Variants in RBFOX1 observed in about 807,000 individuals in gnomAD.
RBFOX1 encodes the protein RNA binding protein fox-1 homolog 1.
In RBFOX1, 8 loss-of-function variants were observed where a neutral mutation model predicts 57.7. The observed-to-expected ratio is 0.14, with a 90% CI of 0.08 to 0.25. RBFOX1 has a LOEUF of 0.25. Among genes scored for constraint, RBFOX1 ranks in the 10% least tolerant of loss-of-function variants. RBFOX1 has a pLI of 1.00. For missense variants in RBFOX1, 611 were observed against 548.5 expected, an observed-to-expected ratio of 1.11 and a Z score of -1.14; for synonymous variants, 326 against 222.4, an observed-to-expected ratio of 1.47 and a Z score of -4.15.
At chr16:5,732,891 A>T (rs977438625) in intron 3 of RBFOX1, among the ~76,000 whole-genome samples, 5 of 152,142 alleles carry the variant, frequency 3.3e-5, no homozygotes, top group African/African-American at 1.2e-4. Flanking sequence ...AAAATAAAAA[A>T]TTGCACGAGG....
At chr16:5,424,951 C>CT (rs1567490286) in intron 1 of RBFOX1, among the ~76,000 whole-genome samples, 39 of 79,702 alleles carry the variant, frequency 4.9e-4, no homozygotes, top group Non-Finnish European at 8.5e-4. Context: ...CTTCTTTCTT[C>CT]CTTTGTTTCT....
At chr16:7,071,584 GAT>G (rs1491344061) in intron 4 of RBFOX1, among the ~76,000 whole-genome samples, 7 of 90,054 alleles carry the variant, frequency 7.8e-5, no homozygotes, top group African/African-American at 2.2e-4. Context: ...AATTTGCCCA[GAT>G]ATGTGTGTGT....
chr16:6,814,717 G>C (rs1164635436), intron 3 of RBFOX1, among the ~76,000 whole-genome samples: 1 of 152,100 alleles, frequency 6.6e-6, no homozygotes, highest in Non-Finnish European at 1.5e-5. Flanking sequence ...ACCTGAGGAA[G>C]TGAAGTGAAA....
chr16:6,075,291 C>T (rs2095882401), intron 1 of RBFOX1, among the ~76,000 whole-genome samples: 1 of 152,202 alleles, frequency 6.6e-6, no homozygotes, highest in Non-Finnish European at 1.5e-5. Context: ...ACATTTTCAT[C>T]TACTTTTCCA....
intron 2 of RBFOX1, among the ~76,000 whole-genome samples, chr16:6,512,398 C>T (rs886752974): frequency 4.0e-5 from 6 of 151,716 alleles, no homozygotes; most frequent in East Asian, 3.9e-4. Flanking sequence ...ATTCAAGCCT[C>T]GGGTAGGATA....
At chr16:6,014,028 G>A (rs2094978177), upstream of RBFOX1, among the ~76,000 whole-genome samples, 1 of 151,786 alleles carries the variant, frequency 6.6e-6, no homozygotes. Flanking sequence ...CGAGTTAATG[G>A]GTGCAGCACA....
chr16:5,631,829 A>C (rs888203853), intron 3 of RBFOX1, among the ~76,000 whole-genome samples: 5 of 152,138 alleles, frequency 3.3e-5, no homozygotes, highest in Admixed American at 1.3e-4. Context: ...TTCTCTTACA[A>C]AGTCAAAATT....
intron 4 of RBFOX1, among the ~76,000 whole-genome samples, chr16:5,931,652 GC>G (rs1341297967): frequency 2.6e-5 from 4 of 152,126 alleles, no homozygotes; most frequent in African/African-American, 9.7e-5. Context: ...AACAGGTCAG[GC>G]TGAAGGAGAC....
chr16:7,244,940 A>T (rs1180621552), intron 4 of RBFOX1, among the ~76,000 whole-genome samples: 2 of 152,350 alleles, frequency 1.3e-5, no homozygotes, highest in Admixed American at 6.5e-5. Context: ...TCAGAGGCAC[A>T]GTAGGGAGCA....
chr16:7,077,660 A>G (rs563339747), intron 4 of RBFOX1, among the ~76,000 whole-genome samples: 2 of 152,186 alleles, frequency 1.3e-5, no homozygotes, highest in Non-Finnish European at 2.9e-5. Flanking sequence ...AACTTACCAT[A>G]TTAGTGACTT....
intron 3 of RBFOX1, chr16:5,838,007 G>C (rs1278335017): frequency 6.6e-6 from 1 of 152,328 alleles, no homozygotes; most frequent in Non-Finnish European, 1.5e-5. Flanking sequence ...TCTAGGGCTA[G>C]TTGTTACTTT....
chr16:6,214,060 C>G (rs1041428864), intron 1 of RBFOX1, among the ~76,000 whole-genome samples: 4 of 152,212 alleles, frequency 2.6e-5, no homozygotes, highest in African/African-American at 9.6e-5. Context: ...ACCCATCTCT[C>G]ATACTCAAAT....
At chr16:5,876,852 A>G (rs2057625064) in intron 4 of RBFOX1, among the ~76,000 whole-genome samples, 1 of 152,196 alleles carries the variant, frequency 6.6e-6, no homozygotes, top group Non-Finnish European at 1.5e-5. Flanking sequence ...AATTCCAAGG[A>G]TTCACCATGT....
intron 1 of RBFOX1, among the ~76,000 whole-genome samples, chr16:5,313,530 A>G (rs536374942): frequency 6.6e-6 from 1 of 152,250 alleles, no homozygotes; most frequent in South Asian, 2.1e-4. Context: ...CATGCTGCTG[A>G]TAAAGACTTA....
chr16:7,304,423 C>T (rs1408253018), intron 4 of RBFOX1: 3 of 985,222 alleles, frequency 3.0e-6, no homozygotes, highest in African/African-American at 3.5e-5. Context: ...CTGCGTGGCG[C>T]TCCCCAACGT....
At chr16:6,382,121 A>T (rs571017319) in intron 2 of RBFOX1, among the ~76,000 whole-genome samples, 10 of 152,322 alleles carry the variant, frequency 6.6e-5, no homozygotes, top group African/African-American at 2.4e-4. Context: ...TTATTTATGG[A>T]TGCAGAAATT....
chr16:5,513,693 G>A (rs2043688067), intron 2 of RBFOX1, among the ~76,000 whole-genome samples: 1 of 152,088 alleles, frequency 6.6e-6, no homozygotes, highest in Non-Finnish European at 1.5e-5. Context: ...TGGGACTCAT[G>A]GATATTTATT....
At chr16:6,490,313 A>G (rs2095603229) in intron 2 of RBFOX1, among the ~76,000 whole-genome samples, 1 of 152,248 alleles carries the variant, frequency 6.6e-6, no homozygotes, top group Non-Finnish European at 1.5e-5. Flanking sequence ...CCAAGACAGA[A>G]GTAGAGAGCG....
At chr16:6,634,993 A>T (rs1382470734) in intron 2 of RBFOX1, among the ~76,000 whole-genome samples, 1 of 142,098 alleles carries the variant, frequency 7.0e-6, no homozygotes, top group Non-Finnish European at 1.5e-5. Flanking sequence ...ATTTATATAT[A>T]ATGTAATATA....
Sources: gnomAD v4.1 joint callset for allele counts (sites outside exome capture counted in the v4.1 genomes callset) on GRCh38, gnomAD v4.1.1 for gene constraint, MANE v1.5 for transcripts, NCBI Gene and HGNC (gene_info 2026-07-23, HGNC 2026-07-21) for gene names.